Variants in MSRB3 observed in about 807,000 individuals in gnomAD.
MSRB3 encodes methionine-R-sulfoxide reductase B3.
A neutral mutation model predicts 21.0 loss-of-function variants in MSRB3; 13 were observed. That is an observed-to-expected ratio of 0.62 (90% CI 0.40 to 0.98). MSRB3 has a LOEUF of 0.98. Ranked by LOEUF, MSRB3 falls within the 50% of genes least tolerant of loss-of-function variation. MSRB3 has a pLI of 0.00. For synonymous variants in MSRB3, 87 were observed against 88.6 expected, an observed-to-expected ratio of 0.98 and a Z score of 0.10; for missense variants, 199 against 230.3, an observed-to-expected ratio of 0.86 and a Z score of 0.88.
At position 65,312,662 on chromosome 12, in the gene MSRB3, T is replaced by C. The variant is rs115642048; in HGVS notation, c.76+4007T>C. ...ATGGCTGTAGCTTATAAATATATCATAGTTTTCTAATGTAGCAATTAGAAG... is the reference window on the plus strand; with the variant it reads ...ATGGCTGTAGCTTATAAATATATCACAGTTTTCTAATGTAGCAATTAGAAG... On this transcript the variant is annotated intron_variant, in intron 2 of 6. Coordinates refer to ENST00000308259, the MANE Select transcript of MSRB3 (RefSeq NM_001031679.3). 3.8e-3 allele frequency among the ~76,000 whole-genome samples: 572 copies of C among 152,204 alleles called. 2 individuals are homozygous for C. The highest frequency in any genetic ancestry group is 0.013 in the African/African-American group (548 of 41,576).
At chr12:65,286,707 G>A (rs1872370531) in intron 1 of MSRB3, 1 of 147,060 alleles carries the variant, frequency 6.8e-6, no homozygotes. Flanking sequence ...CTACATGGTA[G>A]AATCTATTAA....
chr12:65,459,402 T>C (rs192928117), intron 6 of MSRB3, among the ~76,000 whole-genome samples: 115 of 152,296 alleles, frequency 7.6e-4, no homozygotes, highest in African/African-American at 2.2e-3. Flanking sequence ...ACAATAGGGC[T>C]TCAGACTCAC....
chr12:65,355,798 A>C (rs189686197), intron 4 of MSRB3, among the ~76,000 whole-genome samples: 254 of 151,978 alleles, frequency 1.7e-3, no homozygotes, highest in African/African-American at 5.7e-3. Context: ...CATTGAACTT[A>C]AGAAAACCCA....
At chr12:65,308,374 G>A (rs1417837432) in intron 1 of MSRB3, among the ~76,000 whole-genome samples, 155 bp from the exon 2 acceptor site, 1 of 152,204 alleles carries the variant, frequency 6.6e-6, no homozygotes, top group Admixed American at 6.5e-5. Context: ...TTGAAAGTAA[G>A]CTCACGGGCT....
chr12:65,289,633 T>G (rs1019879422), intron 1 of MSRB3, among the ~76,000 whole-genome samples: 6 of 152,246 alleles, frequency 3.9e-5, no homozygotes, highest in Non-Finnish European at 5.9e-5. Flanking sequence ...CATGGGAGTT[T>G]GGTGTACAGA....
At chr12:65,425,614 T>G (rs1881560234) in intron 5 of MSRB3, among the ~76,000 whole-genome samples, 1 of 152,156 alleles carries the variant, frequency 6.6e-6, no homozygotes, top group African/African-American at 2.4e-5. Flanking sequence ...TAACTTTGAT[T>G]GTATTACAAA....
At chr12:65,314,962 A>G (rs552450497) in intron 2 of MSRB3, among the ~76,000 whole-genome samples, 33 of 152,280 alleles carry the variant, frequency 2.2e-4, no homozygotes, top group African/African-American at 7.5e-4. Context: ...TTGTAGAAGG[A>G]TTTATTAAAA....
At chr12:65,350,178 A>G (rs960988418) in intron 4 of MSRB3, among the ~76,000 whole-genome samples, 2 of 151,632 alleles carry the variant, frequency 1.3e-5, no homozygotes, top group Admixed American at 6.6e-5. Context: ...TCCTTTCCCC[A>G]TTGCTTGTTT....
At chr12:65,347,900 T>A (rs937244926) in intron 4 of MSRB3, among the ~76,000 whole-genome samples, 10 of 152,180 alleles carry the variant, frequency 6.6e-5, no homozygotes, top group Non-Finnish European at 8.8e-5. Flanking sequence ...CTGATTTGCG[T>A]ATGTTGAACC....
chr12:65,363,311 T>C (rs952973531), intron 4 of MSRB3, among the ~76,000 whole-genome samples: 1 of 152,136 alleles, frequency 6.6e-6, no homozygotes, highest in African/African-American at 2.4e-5. Flanking sequence ...AAATAAAATA[T>C]CTTTTGGCTT....
At position 65,314,905 on chromosome 12, in the gene MSRB3, A is replaced by G. The variant is rs114268391; in HGVS notation, c.76+6250A>G. On this transcript the variant is annotated intron_variant, in intron 2 of 6. Coordinates refer to ENST00000308259, the MANE Select transcript of MSRB3 (RefSeq NM_001031679.3). Reference sequence around the variant, plus strand: ...CTTTGGAGGAATCATATAGGCAATTAGATGCTTATTTATCTAAACATATTC... The same window carrying G: ...CTTTGGAGGAATCATATAGGCAATTGGATGCTTATTTATCTAAACATATTC... 8.1e-3 allele frequency among the ~76,000 whole-genome samples: 1,231 copies of G among 152,314 alleles called. 18 individuals are homozygous for G. The highest frequency in any genetic ancestry group is 0.029 in the African/African-American group (1,190 of 41,578).
chr12:65,372,724 A>G (rs981590685), intron 5 of MSRB3, among the ~76,000 whole-genome samples: 2 of 152,236 alleles, frequency 1.3e-5, no homozygotes, highest in Non-Finnish European at 2.9e-5. Flanking sequence ...AAATTTCAGG[A>G]GAAACATGCT....
At position 65,341,151 on chromosome 12, in the gene MSRB3, CA is replaced by C. The variant is rs1876113585; in HGVS notation, c.263+12550del. ...GTTCACAATAGCCAAGATTTGGGAGCAACCTAAGTGTCCATCACAGACGAAT... is the reference window on the plus strand; with the variant it reads ...GTTCACAATAGCCAAGATTTGGGAGCACCTAAGTGTCCATCACAGACGAAT... On this transcript the variant is annotated intron_variant, in intron 4 of 6. Transcript: ENST00000308259. 7.2e-5 allele frequency among the ~76,000 whole-genome samples: 11 copies of C among 152,118 alleles called. No individual in the cohort carries two copies. In the South Asian group the frequency reaches 2.3e-3, roughly 32 times the overall value.
intron 2 of MSRB3, among the ~76,000 whole-genome samples, chr12:65,314,396 A>C (rs954963243): frequency 6.6e-6 from 1 of 152,156 alleles, no homozygotes; most frequent in African/African-American, 2.4e-5. Flanking sequence ...AATATTTTAG[A>C]AAACTAAGAA....
intron 5 of MSRB3, chr12:65,418,657 T>G: frequency 1.6e-6 from 1 of 627,836 alleles, no homozygotes. Context: ...TTGAGTTTTT[T>G]TTTTTTAACC....
chr12:65,406,502 T>C (rs1403998578), intron 5 of MSRB3, among the ~76,000 whole-genome samples: 2 of 152,234 alleles, frequency 1.3e-5, no homozygotes, highest in Admixed American at 6.5e-5. Context: ...ACTGTTAAAA[T>C]GTCTGTATAC....
Position 65,278,848 on chromosome 12 carries a change from T to C in MSRB3, c.-69T>C. The C allele has an allele frequency of 6.4e-7, 1 of 1,562,522 alleles. No individual in the cohort carries two copies. Among genetic ancestry groups the C allele is most frequent in the Non-Finnish European group, 8.7e-7 (1 of 1,153,236 alleles). ...CTCTGCCTCTGCCTGGCCGCGGCTCTGGGAAGTGCGCAGTCCGGTAAGTTC... is the reference window on the plus strand; with the variant it reads ...CTCTGCCTCTGCCTGGCCGCGGCTCCGGGAAGTGCGCAGTCCGGTAAGTTC... On this transcript the variant is annotated 5_prime_UTR_variant, in exon 1 of 7. Transcript: ENST00000308259.
At chr12:65,355,902 A>G (rs192878363) in intron 4 of MSRB3, among the ~76,000 whole-genome samples, 26 of 152,012 alleles carry the variant, frequency 1.7e-4, no homozygotes, top group African/African-American at 6.0e-4. Flanking sequence ...ATCTTAAACT[A>G]TAAAGGGCTT....
rs538164944 is a variant in MSRB3 at position 65,408,105 on chromosome 12, G to GT, written c.292+39086dup. Among the ~76,000 whole-genome samples the GT allele has an allele frequency of 2.1e-3, 311 of 151,552 alleles. 2 individuals carry two copies. Among genetic ancestry groups the GT allele is most frequent in the African/African-American group, 7.0e-3 (288 of 41,318 alleles). On this transcript the variant is annotated intron_variant, in intron 5 of 6. Transcript: ENST00000308259. ...CTTTTGTCTTCTAGTATGGCTTTTT[G>GT]TTTTTTTAAGATGGTGTCTTACTCT... is the stretch of plus-strand genomic sequence containing the variant.
Sources: gnomAD v4.1 joint callset for allele counts (sites outside exome capture counted in the v4.1 genomes callset) on GRCh38, gnomAD v4.1.1 for gene constraint, MANE v1.5 for transcripts, NCBI Gene and HGNC (gene_info 2026-07-23, HGNC 2026-07-21) for gene names.